The following TCF4 variants were observed in gnomAD, a reference collection of about 807,000 sequenced individuals.
TCF4 encodes transcription factor 4.
TCF4 carries 3 observed loss-of-function variants against 82.1 expected under a neutral mutation model. The observed-to-expected ratio is 0.04, with a 90% CI of 0.02 to 0.09. The LOEUF is 0.09. Among genes scored for constraint, TCF4 ranks in the 10% least tolerant of loss-of-function variants. The pLI is 1.00. For synonymous variants in TCF4, 276 were observed against 309.6 expected (o/e 0.89, Z 1.14); for missense variants, 518 against 852.7 (o/e 0.61, Z 4.89).
chr18:55,335,766 G>A (rs1179547137), intron 8 of TCF4, among the ~76,000 whole-genome samples: 6 of 150,998 alleles, frequency 4.0e-5, no homozygotes, highest in African/African-American at 1.5e-4. Flanking sequence ...ATGACACTTA[G>A]ATTAATAAAA....
At chr18:55,269,687 T>C (rs1384785316) in intron 11 of TCF4, 144 bp downstream of exon 11, 3 of 1,100,708 alleles carry the variant, frequency 2.7e-6, no homozygotes, top group Non-Finnish European at 4.0e-6. Context: ...TTACTTCTGT[T>C]TGGTACATTT....
chr18:55,322,458 T>C, intron 8 of TCF4: 1 of 988,950 alleles, frequency 1.0e-6, no homozygotes, highest in Non-Finnish European at 1.2e-6. Flanking sequence ...AAACACCACG[T>C]CTCTGACCTC....
intron 3 of TCF4, among the ~76,000 whole-genome samples, chr18:55,468,754 A>G (rs772950834): frequency 1.3e-5 from 2 of 152,112 alleles, no homozygotes; most frequent in Non-Finnish European, 2.9e-5. Flanking sequence ...TTGTGGTATG[A>G]GAAGTGTTTA....
At chr18:55,576,589 T>A (rs759038072) in intron 3 of TCF4, among the ~76,000 whole-genome samples, 60 of 152,148 alleles carry the variant, frequency 3.9e-4, no homozygotes, top group Non-Finnish European at 6.8e-4. Flanking sequence ...TTCACAGTGA[T>A]CCTGATATGC....
At chr18:55,302,176 T>C (rs2068537787) in intron 8 of TCF4, among the ~76,000 whole-genome samples, 1 of 152,132 alleles carries the variant, frequency 6.6e-6, no homozygotes, top group Non-Finnish European at 1.5e-5. Flanking sequence ...CACGAGGCAA[T>C]CCAGGAACAT....
chr18:55,321,513 G>C, intron 8 of TCF4: 10 of 1,106,950 alleles, frequency 9.0e-6, no homozygotes, highest in Non-Finnish European at 1.3e-5. Context: ...TAGGCAAGAA[G>C]AAGATCTTAG....
At chr18:55,323,333 T>C (rs765803699) in intron 8 of TCF4, among the ~76,000 whole-genome samples, 1 of 152,190 alleles carries the variant, frequency 6.6e-6, no homozygotes, top group Non-Finnish European at 1.5e-5. Flanking sequence ...TCAAAGCACC[T>C]ATTTCCTTAC....
At chr18:55,350,495 C>A in intron 7 of TCF4, 87 bp from the exon 8 acceptor site, 1 of 1,356,118 alleles carries the variant, frequency 7.4e-7, no homozygotes, top group Admixed American at 1.7e-5. Context: ...CTAGATGATA[C>A]CACATTTCCT....
At chr18:55,478,390 T>C (rs1202562481) in intron 3 of TCF4, among the ~76,000 whole-genome samples, 2 of 152,186 alleles carry the variant, frequency 1.3e-5, no homozygotes, top group Admixed American at 1.3e-4. Flanking sequence ...AACCTTTCCA[T>C]GTAAAACCAA....
chr18:55,451,165 G>A (rs2095615554), intron 5 of TCF4, among the ~76,000 whole-genome samples: 1 of 152,180 alleles, frequency 6.6e-6, no homozygotes. Context: ...AGAAGGTATA[G>A]GTATTTTAAA....
rs372915617 is a variant in TCF4 at position 55,390,896 on chromosome 18, G to A, written c.369+12558C>T. ...AACTCCAAACTTAAATGTTCTTTCC[G>A]GTGACAAATGGCACCCAGGACTTGC... On this transcript the variant is annotated intron_variant, in intron 6 of 19. Coordinates refer to ENST00000354452, the MANE Select transcript of TCF4 (RefSeq NM_001083962.2). Among the ~76,000 whole-genome samples the A allele has an allele frequency of 1.2e-4, 18 of 152,212 alleles. No homozygotes were observed. The East Asian group carries it at 1.3e-3, about 11-fold the overall frequency.
intron 5 of TCF4, 120 bp from the exon 6 acceptor site, chr18:55,403,638 G>A: frequency 6.2e-7 from 1 of 1,602,208 alleles, no homozygotes; most frequent in Non-Finnish European, 8.5e-7. Flanking sequence ...AGGCACTACT[G>A]GCAATGTATG....
At chr18:55,557,066 C>T (rs1269426336) in intron 3 of TCF4, among the ~76,000 whole-genome samples, 1 of 152,162 alleles carries the variant, frequency 6.6e-6, no homozygotes, top group Non-Finnish European at 1.5e-5. Flanking sequence ...AATGTAACTT[C>T]CATTTCAAAG....
intron 2 of TCF4, among the ~76,000 whole-genome samples, chr18:55,622,268 G>A (rs543689020): frequency 1.0e-4 from 15 of 149,512 alleles, no homozygotes; most frequent in African/African-American, 3.7e-4. Context: ...CAGCACTTTG[G>A]GAGGCCAAGG....
At chr18:55,485,972 C>T (rs898462601) in intron 3 of TCF4, among the ~76,000 whole-genome samples, 18 of 152,106 alleles carry the variant, frequency 1.2e-4, no homozygotes, top group African/African-American at 3.9e-4. Flanking sequence ...TGAAGTTTTA[C>T]GGTATTTTGG....
Position 55,560,438 on chromosome 18 carries a change from A to T in TCF4, c.145+24842T>A, listed in dbSNP as rs535626493. 2.0e-5 allele frequency among the ~76,000 whole-genome samples: 3 copies of T among 152,332 alleles called. No homozygotes were observed. In the South Asian group the frequency reaches 6.2e-4, roughly 32 times the overall value. ...CATCAGAAGAGTTAATTCAATCCTT[A>T]CCACTCTAATGGCAGGTAGGTCCTT... On this transcript the variant is annotated intron_variant, in intron 3 of 19. Transcript: ENST00000354452.
intron 3 of TCF4, among the ~76,000 whole-genome samples, chr18:55,560,613 A>G (rs2097346968): frequency 6.6e-6 from 1 of 152,182 alleles, no homozygotes; most frequent in Non-Finnish European, 1.5e-5. Flanking sequence ...ATCTACCAGT[A>G]AGAAGGCTTC....
At chr18:55,529,261 A>G (rs745685842) in intron 3 of TCF4, among the ~76,000 whole-genome samples, 5 of 152,202 alleles carry the variant, frequency 3.3e-5, no homozygotes, top group African/African-American at 7.2e-5. Context: ...TATTCTTTAG[A>G]TATTTCTGAT....
chr18:55,558,339 A>G (rs2097323784), intron 3 of TCF4, among the ~76,000 whole-genome samples: 2 of 152,228 alleles, frequency 1.3e-5, no homozygotes, highest in African/African-American at 4.8e-5. Flanking sequence ...CTGAGTATGT[A>G]GGAAAATCAT....
Sources: gnomAD v4.1 joint callset for allele counts (sites outside exome capture counted in the v4.1 genomes callset) on GRCh38, gnomAD v4.1.1 for gene constraint, MANE v1.5 for transcripts, NCBI Gene and HGNC (gene_info 2026-07-23, HGNC 2026-07-21) for gene names.